Variants in AK9 observed in about 807,000 individuals in gnomAD.
AK9 encodes adenylate kinase 9, also known as adenylate kinase domain containing 1.
Under a neutral mutation model 239.6 loss-of-function variants are expected in AK9, and 191 were observed. The ratio of observed to expected loss-of-function variants is 0.80; its 90% CI spans 0.71 to 0.90. The LOEUF (loss-of-function observed/expected upper bound fraction) is 0.90, where lower values mean the gene tolerates loss of function less well. Ranked by LOEUF, AK9 falls within the 40% of genes least tolerant of loss-of-function variation. The pLI is 0.00. For missense variants in AK9, 1,995 were observed against 2,214.7 expected (o/e 0.90, Z 1.99); for synonymous variants, 689 against 721.0 (o/e 0.96, Z 0.71).
rs370727173 is a variant in AK9 at position 109,497,814 on chromosome 6, T to C, written c.5198A>G (p.Tyr1733Cys). The change falls in exon 37 of 41, where the codon TAT becomes TGT. Residue 1733 changes from tyrosine to cysteine, a missense_variant. Physicochemically the swap from Tyr to Cys is radical, Grantham distance 194. Transcript: ENST00000424296. ...AELQGYCPVTYKDGNQRYEAL... is the reference protein window; with the variant it reads ...AELQGYCPVTCKDGNQRYEAL... ...GACTTGCCTTTGGTTTCCATCCTTA[T>C]AGGTCACTGGACAGTAGCCCTGGAG... 7 of 1,613,654 alleles carry C rather than the reference T, an allele frequency of 4.3e-6. No homozygotes were observed. Among genetic ancestry groups the C allele is most frequent in the Non-Finnish European group, 5.1e-6 (6 of 1,179,714 alleles).
rs557620173 is a variant in AK9, at chr6:109,679,062, G to A, written c.-11-3306C>T. ...AGCAGACACCAAGCTAGCTGCAGGA[G>A]TTTTTTTCATATCCCAGTGGCGCCT... On this transcript the variant is annotated intron_variant, in intron 1 of 40. Transcript: ENST00000424296. Among the ~76,000 whole-genome samples the A allele has an allele frequency of 3.9e-5, 6 of 152,256 alleles. No individual in the cohort carries two copies. The South Asian group carries it at 1.2e-3, about 32-fold the overall frequency.
At chr6:109,558,238 G>C (rs557467118) in intron 24 of AK9, among the ~76,000 whole-genome samples, 1 of 151,992 alleles carries the variant, frequency 6.6e-6, no homozygotes, top group South Asian at 2.1e-4. Context: ...TCTTACTTTT[G>C]ACGAAGGCCA....
At chr6:109,566,920 A>T (rs1256350933) in intron 21 of AK9, among the ~76,000 whole-genome samples, 2 of 152,254 alleles carry the variant, frequency 1.3e-5, no homozygotes, top group East Asian at 3.8e-4. Flanking sequence ...TCTGGGACAC[A>T]TTTAAAGCAG....
chr6:109,601,292 G>A (rs1562477191), intron 17 of AK9, among the ~76,000 whole-genome samples: 2 of 152,136 alleles, frequency 1.3e-5, no homozygotes, highest in Non-Finnish European at 2.9e-5. Flanking sequence ...GTTCTTGTTG[G>A]TTTCAAAGAA....
chr6:109,517,658 G>A (rs1053438969), intron 29 of AK9, among the ~76,000 whole-genome samples: 6 of 152,174 alleles, frequency 3.9e-5, no homozygotes, highest in African/African-American at 1.4e-4. Flanking sequence ...TGCTCTTATA[G>A]CTATTATTGT....
chr6:109,545,967 A>G lies in AK9; in HGVS notation c.3125T>C (p.Phe1042Ser). Residue 1042 changes from phenylalanine to serine, a missense_variant, in exon 26 of 41, where the codon TTT becomes TCT. Transcript: ENST00000424296. ...TTGCTCGTTCTCAGAATCTTCCTCA[A>G]ATTCAGGTCCCACTTTCTTTTCAGT... ...LKTEKKVGPE[F>S]EEDSENEQAA... 6.2e-7 allele frequency: 1 copy of G among 1,614,134 alleles called. No individual in the cohort carries two copies. The highest frequency in any genetic ancestry group is 2.2e-5 in the East Asian group (1 of 44,882).
At chr6:109,653,690 CTCTT>C (rs1799303475) in intron 8 of AK9, among the ~76,000 whole-genome samples, 1 of 141,538 alleles carries the variant, frequency 7.1e-6, no homozygotes, top group Non-Finnish European at 1.5e-5. Context: ...TTTTTTCTCT[CTCTT>C]TCTTTTTTGT....
At chr6:109,603,542 C>T (rs930388518) in intron 17 of AK9, among the ~76,000 whole-genome samples, 4 of 152,170 alleles carry the variant, frequency 2.6e-5, no homozygotes, top group Admixed American at 2.6e-4. Flanking sequence ...AGGAGGCAGT[C>T]TGTCCGTTCT....
At position 109,659,091 on chromosome 6, in the gene AK9, T is replaced by C. The variant is rs545330047; in HGVS notation, c.630+137A>G. 3.3e-6 allele frequency: 4 copies of C among 1,201,380 alleles called. No homozygotes were observed. In the African/African-American group the frequency reaches 4.7e-5, roughly 14 times the overall value. The allele number at this position is 1,201,380 out of a possible 1,614,324, so 74.4% of individuals were successfully genotyped here. On this transcript the variant is annotated intron_variant, in intron 7 of 40. Transcript: ENST00000424296. ...CCTTGAAAACATGAAAGATTTTTGC[T>C]TATTTCCTCCAAACTCAATAAAGAT...
At chr6:109,544,562 C>T (rs530303435) in intron 26 of AK9, among the ~76,000 whole-genome samples, 20 of 152,288 alleles carry the variant, frequency 1.3e-4, no homozygotes, top group Admixed American at 1.3e-3. Context: ...CTTTCTCCTG[C>T]TCTGGCCATG....
At position 109,550,202 on chromosome 6, in the gene AK9, G is replaced by C. The variant is rs1784196666; in HGVS notation, c.2852C>G (p.Thr951Arg). Residue 951 changes from threonine to arginine, a missense_variant, in exon 25 of 41, where the codon ACA becomes AGA. Thr to Arg is a moderately conservative substitution (Grantham distance 71). This residue lies in a region of AK9 where 1,290 missense variants were observed against 1,392.7 expected (regional missense o/e 0.93). Coordinates refer to ENST00000424296, the MANE Select transcript of AK9 (RefSeq NM_001145128.3). The part of the protein sequence containing the change: ...KENFILQPGN[T>R]EEAAKYREKI... ...TTCTCGATACTTGGCTGCTTCTTCT[G>C]TGTTTCCTGGTTGCAGGATGAAGTT... 10 of 1,613,790 alleles carry C rather than the reference G, an allele frequency of 6.2e-6. No homozygotes were observed. Among genetic ancestry groups the C allele is most frequent in the Non-Finnish European group, 8.5e-6 (10 of 1,179,988 alleles).
intron 29 of AK9, among the ~76,000 whole-genome samples, chr6:109,520,932 T>A (rs1292142465): frequency 6.6e-6 from 1 of 152,094 alleles, no homozygotes; most frequent in Non-Finnish European, 1.5e-5. Context: ...TAAAGGCAAC[T>A]AATTTTGTGC....
intron 38 of AK9, among the ~76,000 whole-genome samples, chr6:109,496,395 G>A (rs1777040948): frequency 6.6e-6 from 1 of 152,182 alleles, no homozygotes; most frequent in South Asian, 2.1e-4. Flanking sequence ...TGGACTACAG[G>A]CAAGAGCTCA....
At chr6:109,640,796 C>A (rs1797329176) in intron 10 of AK9, among the ~76,000 whole-genome samples, 1 of 152,086 alleles carries the variant, frequency 6.6e-6, no homozygotes, top group Non-Finnish European at 1.5e-5. Flanking sequence ...CTCCTTGTGG[C>A]ACTTTTGGCA....
intron 38 of AK9, among the ~76,000 whole-genome samples, chr6:109,496,739 A>G (rs1777073605): frequency 6.6e-6 from 1 of 152,106 alleles, no homozygotes; most frequent in South Asian, 2.1e-4. Flanking sequence ...ACTATGGATG[A>G]GCTCAAACAT....
At chr6:109,668,275 TC>T (rs1309133703) in intron 5 of AK9, among the ~76,000 whole-genome samples, 1 of 152,108 alleles carries the variant, frequency 6.6e-6, no homozygotes, top group Non-Finnish European at 1.5e-5. Context: ...TTGTTTGAGT[TC>T]TTTGTAGATT....
Position 109,507,549 on chromosome 6 carries a change from C to CA in AK9, c.4482-750dup, listed in dbSNP as rs1477421066. On this transcript the variant is annotated intron_variant, in intron 33 of 40. Coordinates refer to ENST00000424296, the MANE Select transcript of AK9 (RefSeq NM_001145128.3). ...CAATAGGTTGAGATAATGAGATTGT[C>CA]ACTATCAAACTGAGAGGAGGAAAAA... Among the ~76,000 whole-genome samples the CA allele has an allele frequency of 2.6e-5, 4 of 151,954 alleles. No homozygotes were observed. The East Asian group carries it at 5.8e-4, about 22-fold the overall frequency.
intron 29 of AK9, among the ~76,000 whole-genome samples, chr6:109,521,240 G>T (rs899853088): frequency 6.6e-6 from 1 of 151,918 alleles, no homozygotes; most frequent in Admixed American, 6.6e-5. Flanking sequence ...AACAGTAAAC[G>T]GTAATCTCTT....
chr6:109,630,252 T>C (rs1200118532), intron 12 of AK9, among the ~76,000 whole-genome samples: 1 of 152,126 alleles, frequency 6.6e-6, no homozygotes, highest in Non-Finnish European at 1.5e-5. Context: ...AAATTATTAC[T>C]AACATAAATT....
Sources: gnomAD v4.1 joint callset for allele counts (sites outside exome capture counted in the v4.1 genomes callset) on GRCh38, gnomAD v4.1.1 for gene constraint, gnomAD v4.1.1 regional missense constraint, MANE v1.5 for transcripts, NCBI Gene and HGNC (gene_info 2026-07-23, HGNC 2026-07-21) for gene names.